UNC5D: variants seen among roughly 807,000 people sequenced by gnomAD.
UNC5D encodes the protein unc-5 netrin receptor D, also known as netrin receptor UNC5D.
Under a neutral mutation model 105.4 loss-of-function variants are expected in UNC5D, and 39 were observed. The observed-to-expected ratio is 0.37, with a 90% confidence interval of 0.29 to 0.48. The LOEUF is 0.48. Ranked by LOEUF, UNC5D falls within the 20% of genes least tolerant of loss-of-function variation. The pLI is 0.98. For synonymous variants in UNC5D, 452 were observed against 450.4 expected (o/e 1.00, Z -0.04); for missense variants, 991 against 1,202.4 (o/e 0.82, Z 2.60).
intron 4 of UNC5D, among the ~76,000 whole-genome samples, chr8:35,601,944 T>C (rs1218532520): frequency 6.6e-6 from 1 of 152,214 alleles, no homozygotes; most frequent in Non-Finnish European, 1.5e-5. Flanking sequence ...TCCTCATAGA[T>C]AGCTCTTATT....
At chr8:35,393,201 C>T (rs974585787) in intron 1 of UNC5D, among the ~76,000 whole-genome samples, 4 of 131,310 alleles carry the variant, frequency 3.0e-5, no homozygotes, top group Non-Finnish European at 4.6e-5. Context: ...GGCGCAATCT[C>T]GGCTCACTGC....
chr8:35,533,678 G>T (rs1397854637), intron 1 of UNC5D, among the ~76,000 whole-genome samples: 5 of 152,324 alleles, frequency 3.3e-5, no homozygotes, highest in Non-Finnish European at 5.9e-5. Flanking sequence ...ATCTCAGACT[G>T]CTGTGCTAGC....
At chr8:35,342,306 T>C (rs1811510956) in intron 1 of UNC5D, among the ~76,000 whole-genome samples, 1 of 152,142 alleles carries the variant, frequency 6.6e-6, no homozygotes, top group African/African-American at 2.4e-5. Context: ...CTCATTCCTA[T>C]TCGTCATATG....
chr8:35,605,766 T>G (rs1246233661), intron 4 of UNC5D, among the ~76,000 whole-genome samples: 1 of 152,212 alleles, frequency 6.6e-6, no homozygotes, highest in African/African-American at 2.4e-5. Flanking sequence ...TATTTTCACT[T>G]CAAGTTTGAT....
chr8:35,743,452 C>T (rs537304277), intron 11 of UNC5D, among the ~76,000 whole-genome samples: 18 of 151,256 alleles, frequency 1.2e-4, no homozygotes, highest in African/African-American at 4.4e-4. Flanking sequence ...CTATTTTTTT[C>T]TCTCCAGTAG....
chr8:35,442,931 CACACA>C (rs1807529844), intron 1 of UNC5D, among the ~76,000 whole-genome samples: 2 of 149,206 alleles, frequency 1.3e-5, no homozygotes, highest in South Asian at 2.1e-4. Context: ...CACACACACA[CACACA>C]ACACACACAC....
chr8:35,322,519 T>C (rs1346509405), intron 1 of UNC5D, among the ~76,000 whole-genome samples: 1 of 152,188 alleles, frequency 6.6e-6, no homozygotes, highest in African/African-American at 2.4e-5. Flanking sequence ...TGTGTCAATC[T>C]GTTGTTTTCA....
intron 1 of UNC5D, among the ~76,000 whole-genome samples, chr8:35,396,086 C>T (rs1282795941): frequency 2.0e-5 from 3 of 152,176 alleles, no homozygotes; most frequent in African/African-American, 7.2e-5. Context: ...ACTAGCCCCT[C>T]AAGGCATAAC....
chr8:35,466,398 G>C (rs1220623262), intron 1 of UNC5D, among the ~76,000 whole-genome samples: 1 of 152,000 alleles, frequency 6.6e-6, no homozygotes, highest in Non-Finnish European at 1.5e-5. Context: ...CCTAACCTTG[G>C]ATTTGAGTGT....
At chr8:35,664,499 C>T (rs968729999) in intron 4 of UNC5D, among the ~76,000 whole-genome samples, 2 of 152,096 alleles carry the variant, frequency 1.3e-5, no homozygotes, top group Non-Finnish European at 1.5e-5. Flanking sequence ...CCTCAGCCTC[C>T]GAGTAGCTGG....
intron 3 of UNC5D, among the ~76,000 whole-genome samples, chr8:35,588,302 A>T (rs1209321466): frequency 6.6e-6 from 1 of 152,124 alleles, no homozygotes; most frequent in Non-Finnish European, 1.5e-5. Flanking sequence ...CATTTTGCAG[A>T]GACTTGCAAG....
In UNC5D at chr8:35,393,125, CTTTTTTTTTTT is replaced by C. The variant is rs34886215; in HGVS notation, c.104-156150_104-156140del. 6.4e-3 allele frequency among the ~76,000 whole-genome samples: 483 copies of C among 75,082 alleles called. 3 individuals carry two copies. The highest frequency in any genetic ancestry group is 0.021 in the African/African-American group (429 of 20,868). 49.3% of individuals were successfully genotyped at this position (75,082 alleles called of 152,430 possible). ...CTAAATATCTAAATACCTATTCCTA[CTTTTTTTTTTT>C]TTTTTTTTTTTTTTTTGAGACGGAG... On this transcript the variant is annotated intron_variant, in intron 1 of 16. Coordinates refer to ENST00000404895, the MANE Select transcript of UNC5D (RefSeq NM_080872.4).
chr8:35,766,614 T>G (rs987821145), intron 14 of UNC5D, among the ~76,000 whole-genome samples: 1 of 152,228 alleles, frequency 6.6e-6, no homozygotes, highest in Non-Finnish European at 1.5e-5. Context: ...GTATTCTTTC[T>G]AATTGTGTGT....
chr8:35,436,837 T>C (rs577772522), intron 1 of UNC5D, among the ~76,000 whole-genome samples: 3 of 152,180 alleles, frequency 2.0e-5, no homozygotes, highest in Non-Finnish European at 2.9e-5. Context: ...TACACACATA[T>C]AAAAAGCCTA....
At chr8:35,266,900 T>G (rs535396731) in intron 1 of UNC5D, among the ~76,000 whole-genome samples, 62 of 152,300 alleles carry the variant, frequency 4.1e-4, no homozygotes, top group Non-Finnish European at 8.1e-4. Flanking sequence ...GAATGCCTAT[T>G]CCAAGACAAG....
At chr8:35,769,831 C>T (rs1030159791) in intron 15 of UNC5D, among the ~76,000 whole-genome samples, 12 of 151,944 alleles carry the variant, frequency 7.9e-5, no homozygotes, top group South Asian at 6.2e-4. Flanking sequence ...GGAGTGTTGG[C>T]GGGTGCCTGT....
chr8:35,436,038 C>G (rs1208328302), intron 1 of UNC5D, among the ~76,000 whole-genome samples: 1 of 151,832 alleles, frequency 6.6e-6, no homozygotes, highest in Non-Finnish European at 1.5e-5. Context: ...AATATTTATA[C>G]TTGGCAATAT....
chr8:35,600,512 C>T (rs1472103941), intron 4 of UNC5D, among the ~76,000 whole-genome samples: 1 of 151,440 alleles, frequency 6.6e-6, no homozygotes, highest in Non-Finnish European at 1.5e-5. Context: ...GCGTGAGATT[C>T]TAATTGTGGT....
chr8:35,312,677 A>G (rs981097654), intron 1 of UNC5D, among the ~76,000 whole-genome samples: 2 of 152,010 alleles, frequency 1.3e-5, no homozygotes, highest in African/African-American at 4.8e-5. Flanking sequence ...ATATTTAGGA[A>G]CCCCAGTGAC....
Sources: gnomAD v4.1 joint callset for allele counts (sites outside exome capture counted in the v4.1 genomes callset) on GRCh38, gnomAD v4.1.1 for gene constraint, MANE v1.5 for transcripts, NCBI Gene and HGNC (gene_info 2026-07-23, HGNC 2026-07-21) for gene names.